The following TWF1 variants were observed in gnomAD, a reference collection of about 807,000 sequenced individuals.
The protein encoded by TWF1 is twinfilin-1.
Under a neutral mutation model 47.9 loss-of-function variants are expected in TWF1, and 14 were observed. That is an observed-to-expected ratio of 0.29 (90% CI 0.19 to 0.46). The LOEUF (loss-of-function observed/expected upper bound fraction) is 0.46, where lower values mean the gene tolerates loss of function less well. TWF1 is among the 20% of genes least tolerant of loss of function. The pLI is 1.00. For missense variants in TWF1, 281 were observed against 409.3 expected (o/e 0.69, Z 2.70); for synonymous variants, 96 against 139.2 (o/e 0.69, Z 2.18).
intron 1 of TWF1, chr12:43,805,949 A>C (rs1942756439): frequency 6.5e-7 from 1 of 1,538,466 alleles, no homozygotes; most frequent in Admixed American, 1.7e-5. Flanking sequence ...CGCCCCCTTC[A>C]ACCAGGCCGC....
intron 4 of TWF1, 121 bp from the exon 5 acceptor site, chr12:43,799,623 G>T: frequency 1.9e-6 from 1 of 527,576 alleles, no homozygotes; most frequent in South Asian, 4.1e-5. Flanking sequence ...ATAGCATTAT[G>T]AATTTTAATA....
rs768716931 is a variant in TWF1, at chr12:43,797,083, T to C, written c.775A>G (p.Met259Val). The part of the protein sequence containing the change: ...YLESIVFIYS[M>V]PGYTCSIRER... Reference sequence around the variant, plus strand: ...CTTATACTGCATGTGTATCCAGGCATTGAATAAATAAAAACTGTAAGTTCA... The same window carrying C: ...CTTATACTGCATGTGTATCCAGGCACTGAATAAATAAAAACTGTAAGTTCA... The change falls in exon 8 of 9, where the codon ATG (methionine) becomes GTG (valine). Residue 259 changes from methionine to valine, a missense_variant. Met to Val is a conservative substitution (Grantham distance 21). Coordinates refer to ENST00000395510, the MANE Select transcript of TWF1 (RefSeq NM_002822.5). 28 of 1,594,936 alleles carry C rather than the reference T, an allele frequency of 1.8e-5. No individual in the cohort carries two copies. The highest frequency in any genetic ancestry group is 1.7e-4 in the Middle Eastern group (1 of 5,794).
At chr12:43,798,600 TAAAAC>T (rs1565699915) in intron 5 of TWF1, 32 of 1,459,894 alleles carry the variant, frequency 2.2e-5, no homozygotes, top group Admixed American at 4.7e-5. Context: ...TTGCAAGAAA[TAAAAC>T]AAACTATCAA....
In TWF1 at chr12:43,795,517, T is replaced by C. The variant is rs1942533026; in HGVS notation, c.*68A>G. The C allele has an allele frequency of 1.4e-6, 2 of 1,467,830 alleles. No individual in the cohort carries two copies. The highest frequency in any genetic ancestry group is 2.3e-5 in the East Asian group (1 of 43,846). The allele number at this position is 1,467,830 out of a possible 1,614,324, so 90.9% of individuals were successfully genotyped here. A position where few individuals can be genotyped will look rare whatever the true frequency, so the allele number is the denominator to read the frequency against. On this transcript the variant is annotated 3_prime_UTR_variant, in exon 9 of 9. Transcript: ENST00000395510. ...CCTACTTTATATCAACATGGAATGATTTCAGTTCTCCTGTACTAAAAGCTG... is the reference window on the plus strand; with the variant it reads ...CCTACTTTATATCAACATGGAATGACTTCAGTTCTCCTGTACTAAAAGCTG...
chr12:43,794,618 T>C lies in TWF1; in HGVS notation c.*967A>G, dbSNP rs1206232666. ...GCTCAAAATCTCTCTAGGTTGTAAC[T>C]GATAATGCAAAGCATTAGAAAACAG... On this transcript the variant is annotated 3_prime_UTR_variant, in exon 9 of 9. Transcript: ENST00000395510. The C allele has an allele frequency of 6.7e-6, 1 of 150,240 alleles. No homozygotes were observed. The highest frequency in any genetic ancestry group is 1.9e-4 in the East Asian group (1 of 5,160). 9.3% of individuals were successfully genotyped at this position (150,240 alleles called of 1,614,324 possible).
At chr12:43,799,555 G>C (rs1942621287) in intron 4 of TWF1, 53 bp from the exon 5 acceptor site, 1 of 1,068,566 alleles carries the variant, frequency 9.4e-7, no homozygotes, top group African/African-American at 1.6e-5. Flanking sequence ...TAAAATGACA[G>C]TGAAGTTACT....
At chr12:43,797,150 A>G in intron 7 of TWF1, 53 bp from the exon 8 acceptor site, 2 of 1,513,784 alleles carry the variant, frequency 1.3e-6, no homozygotes, top group South Asian at 1.2e-5. Context: ...CATAAACTTC[A>G]TAAAACTACA....
rs1294140852 is a variant in TWF1 at position 43,794,734 on chromosome 12, T to G, written c.*851A>C. ...AAGTACCAGGACTTTAAAGTAATTTTAAATCTGAGTATTTGCTCGGAAGTG... is the reference window on the plus strand; with the variant it reads ...AAGTACCAGGACTTTAAAGTAATTTGAAATCTGAGTATTTGCTCGGAAGTG... On this transcript the variant is annotated 3_prime_UTR_variant, in exon 9 of 9. Coordinates refer to ENST00000395510, the MANE Select transcript of TWF1 (RefSeq NM_002822.5). The G allele has an allele frequency of 6.6e-6, 1 of 152,398 alleles. No homozygotes were observed. The highest frequency in any genetic ancestry group is 1.5e-5 in the Non-Finnish European group (1 of 68,034). 9.4% of individuals were successfully genotyped at this position (152,398 alleles called of 1,614,324 possible).
intron 2 of TWF1, among the ~76,000 whole-genome samples, chr12:43,803,250 T>C (rs1023147311): frequency 2.0e-5 from 3 of 152,180 alleles, no homozygotes; most frequent in South Asian, 4.1e-4. Context: ...ATGCAGTTTA[T>C]GTAAACTCAA....
At position 43,794,270 on chromosome 12, in the gene TWF1, AC is replaced by A. The variant is rs1942512220; in HGVS notation, c.*1314del. 6.6e-6 allele frequency: 1 copy of A among 152,580 alleles called. No individual in the cohort carries two copies. The highest frequency in any genetic ancestry group is 2.1e-4 in the South Asian group (1 of 4,828). 9.5% of individuals were successfully genotyped at this position (152,580 alleles called of 1,614,324 possible). ...GTCTGATTATTTGTAAACAAACAAAACCCCAAATACTCTAAATTCTATTTTA... is the reference window on the plus strand; with the variant it reads ...GTCTGATTATTTGTAAACAAACAAAACCCAAATACTCTAAATTCTATTTTA... On this transcript the variant is annotated 3_prime_UTR_variant, in exon 9 of 9. Transcript: ENST00000395510.
chr12:43,797,228 A>T, intron 7 of TWF1, 74 bp downstream of exon 7: 3 of 1,492,884 alleles, frequency 2.0e-6, no homozygotes, highest in Non-Finnish European at 2.7e-6. Flanking sequence ...TGGGCAAGAA[A>T]TAAGTAAGAA....
intron 8 of TWF1, among the ~76,000 whole-genome samples, chr12:43,796,209 G>A (rs771478120): frequency 2.6e-5 from 4 of 152,116 alleles, no homozygotes; most frequent in Non-Finnish European, 5.9e-5. Flanking sequence ...ATATGACAGA[G>A]ATTATATGTG....
Position 43,797,723 on chromosome 12 carries a change from G to C in TWF1, c.594C>G (p.Leu198=), listed in dbSNP as rs981908155. 1.9e-6 allele frequency: 3 copies of C among 1,612,174 alleles called. No homozygotes were observed. Among genetic ancestry groups the C allele is most frequent in the South Asian group, 2.2e-5 (2 of 90,962 alleles). The change falls in exon 6 of 9, where the codon CTC becomes CTG. Residue 198 remains leucine, a synonymous_variant. Transcript: ENST00000395510. The stretch of plus-strand genomic sequence containing the variant: ...CATCTCTTACCAACTGCACATAGTT[G>C]AGCTGTCTATTATTCAATTTTTCCA... The part of the protein sequence containing the change: ...QALEKLNNRQ[L]NYVQLEIDIK...
At position 43,798,617 on chromosome 12, in the gene TWF1, C is replaced by T. The variant is rs1942601081; in HGVS notation, c.483+781G>A. ...GCAAGAAATAAAACAAACTATCAAA[C>T]TCGTAAAAAAAAAAAAAAATCACAT... On this transcript the variant is annotated intron_variant, in intron 5 of 8. Coordinates refer to ENST00000395510, the MANE Select transcript of TWF1 (RefSeq NM_002822.5). 2.7e-6 allele frequency: 4 copies of T among 1,486,646 alleles called. No individual in the cohort carries two copies. The South Asian group carries it at 5.2e-5, about 19-fold the overall frequency. 92.1% of individuals were successfully genotyped at this position (1,486,646 alleles called of 1,614,324 possible).
At chr12:43,797,556 G>T in intron 6 of TWF1, 104 bp from the exon 7 acceptor site, 3 of 1,371,264 alleles carry the variant, frequency 2.2e-6, no homozygotes, top group Non-Finnish European at 2.9e-6. Flanking sequence ...CTTAGTTCTG[G>T]ATGGTTTGAC....
At position 43,806,144 on chromosome 12, in the gene TWF1, G is replaced by C. The variant is rs770640640; in HGVS notation, c.25+77C>G. 154 of 1,531,656 alleles carry C rather than the reference G, an allele frequency of 1.0e-4. No homozygotes were observed. In the African/African-American group the frequency reaches 2.0e-3, roughly 20 times the overall value. The allele number at this position is 1,531,656 out of a possible 1,614,324, so 94.9% of individuals were successfully genotyped here. Reference sequence around the variant, plus strand: ...GAGCTCCCGGCCCGACTCCAGCCCTGCCGGTCCTGCAGCCCTCCCGGCTCT... The same window carrying C: ...GAGCTCCCGGCCCGACTCCAGCCCTCCCGGTCCTGCAGCCCTCCCGGCTCT... On this transcript the variant is annotated intron_variant, in intron 1 of 8. Coordinates refer to ENST00000395510, the MANE Select transcript of TWF1 (RefSeq NM_002822.5).
chr12:43,795,326 G>T lies in TWF1; in HGVS notation c.*259C>A, dbSNP rs1802561. ...CTGTATAAAATTTTAAGAAGTATTTGAAGTGTGGAATCAACGCTATGAAAA... is the reference window on the plus strand; with the variant it reads ...CTGTATAAAATTTTAAGAAGTATTTTAAGTGTGGAATCAACGCTATGAAAA... On this transcript the variant is annotated 3_prime_UTR_variant, in exon 9 of 9. Transcript: ENST00000395510. 2.7e-6 allele frequency: 1 copy of T among 369,462 alleles called. No homozygotes were observed. Among genetic ancestry groups the T allele is most frequent in the Non-Finnish European group, 4.9e-6 (1 of 202,600 alleles). 22.9% of individuals were successfully genotyped at this position (369,462 alleles called of 1,614,324 possible). A position where few individuals can be genotyped will look rare whatever the true frequency, so the allele number is the denominator to read the frequency against.
chr12:43,798,555 G>T, intron 5 of TWF1: 4 of 1,517,174 alleles, frequency 2.6e-6, no homozygotes, highest in Non-Finnish European at 3.5e-6. Context: ...GAACATATGC[G>T]AATGCATACC....
intron 8 of TWF1, among the ~76,000 whole-genome samples, chr12:43,796,553 G>C (rs1345057370): frequency 6.6e-6 from 1 of 152,094 alleles, no homozygotes; most frequent in Non-Finnish European, 1.5e-5. Flanking sequence ...TCATAATGGA[G>C]ACTGTAATTC....
Sources: allele counts gnomAD v4.1 joint callset (sites outside exome capture counted in the v4.1 genomes callset), GRCh38; gene constraint gnomAD v4.1.1; transcripts MANE v1.5; gene names NCBI Gene and HGNC (gene_info 2026-07-23, HGNC 2026-07-21).